ALDH4A1: variants seen among roughly 807,000 people sequenced by gnomAD.
The protein encoded by ALDH4A1 is aldehyde dehydrogenase 4 family member A1.
In ALDH4A1, 46 loss-of-function variants were observed where a neutral mutation model predicts 70.5. The ratio of observed to expected loss-of-function variants is 0.65; its 90% CI spans 0.51 to 0.83. The LOEUF is 0.83. Ranked by LOEUF, ALDH4A1 falls within the 40% of genes least tolerant of loss-of-function variation. The probability of loss-of-function intolerance (pLI) is 0.00; values close to 1 mark genes in which losing one functional copy is unlikely to be tolerated. For missense variants in ALDH4A1, 749 were observed against 766.5 expected (o/e 0.98, Z 0.27); for synonymous variants, 323 against 324.3 (o/e 1.00, Z 0.04).
At chr1:18,895,910 G>C (rs1935601569) in intron 1 of ALDH4A1, among the ~76,000 whole-genome samples, 2 of 152,172 alleles carry the variant, frequency 1.3e-5, no homozygotes, top group Non-Finnish European at 2.9e-5. Context: ...GCACAGTGGG[G>C]AGCTCAGTGA....
chr1:18,902,465 GC>G lies in ALDH4A1; in HGVS notation c.58del (p.Ala20ProfsTer11). On this transcript the variant is annotated frameshift_variant, in exon 1 of 15. Transcript: ENST00000375341. LOFTEE classifies it high-confidence loss of function. ...RALLSRPWTGAGLRWKHTSSL... is the reference protein window; with the variant it reads ...RALLSRPWTGXGLRWKHTSSL... Reference sequence around the variant, plus strand: ...CCCGGGCCCCGTGCTCACTCACCCGGCCCCGGTCCAGGGGCGGGACAGCAGG... The same window carrying G: ...CCCGGGCCCCGTGCTCACTCACCCGGCCCGGTCCAGGGGCGGGACAGCAGG... The G allele has an allele frequency of 7.1e-7, 1 of 1,401,148 alleles. No individual in the cohort carries two copies. The highest frequency in any genetic ancestry group is 1.5e-5 in the South Asian group (1 of 66,252). The allele number at this position is 1,401,148 out of a possible 1,614,324, so 86.8% of individuals were successfully genotyped here. A position where few individuals can be genotyped will look rare whatever the true frequency, so the allele number is the denominator to read the frequency against.
chr1:18,885,173 G>A (rs992601124), intron 5 of ALDH4A1: 55 of 450,278 alleles, frequency 1.2e-4, no homozygotes, highest in Middle Eastern at 1.3e-3. Flanking sequence ...GAGGCAGGGA[G>A]ACAGTGCAGG....
chr1:18,871,466 A>T lies in ALDH4A1; in HGVS notation c.*1379T>A, dbSNP rs950332647. 2 of 152,286 alleles carry T rather than the reference A, an allele frequency of 1.3e-5. No homozygotes were observed. Among genetic ancestry groups the T allele is most frequent in the Non-Finnish European group, 2.9e-5 (2 of 68,074 alleles). 9.4% of individuals were successfully genotyped at this position (152,286 alleles called of 1,614,324 possible). A position where few individuals can be genotyped will look rare whatever the true frequency, so the allele number is the denominator to read the frequency against. On this transcript the variant is annotated 3_prime_UTR_variant, in exon 15 of 15. Transcript: ENST00000375341. ...GCATTTTATTGGGTGGCATCTGAGC[A>T]AATCCCATTGCCACCTCACAGTGTA...
chr1:18,877,159 C>T (rs762594300), intron 11 of ALDH4A1, 49 bp downstream of exon 11: 2 of 1,587,688 alleles, frequency 1.3e-6, no homozygotes, highest in Admixed American at 3.4e-5. Context: ...CTCTTCCACC[C>T]ACTCCAGGGC....
intron 1 of ALDH4A1, among the ~76,000 whole-genome samples, chr1:18,891,373 C>A (rs1159329750): frequency 1.3e-5 from 2 of 152,198 alleles, no homozygotes; most frequent in Admixed American, 1.3e-4. Flanking sequence ...AGTTCAAGAT[C>A]AAGAGTAGGG....
intron 7 of ALDH4A1, 26 bp downstream of exon 7, chr1:18,883,098 C>T (rs1935048849): frequency 5.6e-6 from 9 of 1,612,876 alleles, no homozygotes; most frequent in Non-Finnish European, 7.6e-6. Flanking sequence ...CCAGCTGCCG[C>T]TGTCCCACCT....
chr1:18,887,385 G>A lies in ALDH4A1; in HGVS notation c.250-874C>T, dbSNP rs377333428. ...GAGGCCAAGGCGGGCGGATCACAAG[G>A]TCAGGAGATCGAGACCATCCTGGCT... is the stretch of plus-strand genomic sequence containing the variant. On this transcript the variant is annotated intron_variant, in intron 3 of 14. Transcript: ENST00000375341. 3.2e-4 allele frequency among the ~76,000 whole-genome samples: 49 copies of A among 152,370 alleles called. No individual in the cohort carries two copies. The South Asian group carries it at 4.6e-3, about 14-fold the overall frequency.
At chr1:18,885,441 G>GGCCC in intron 5 of ALDH4A1, 32 bp downstream of exon 5, 3 of 423,744 alleles carry the variant, frequency 7.1e-6, no homozygotes, top group Non-Finnish European at 1.2e-5. Flanking sequence ...ACCCCACCCC[G>GGCCC]CCCCACCCAC....
rs1557617888 is a variant in ALDH4A1 at position 18,883,215 on chromosome 1, CG to C, written c.604-18del. ...CACGAAGCCCTGGGGAAGGAGGCAG[CG>C]GTGAGATCAGGCCCATGGCATTGGG... is the stretch of plus-strand genomic sequence containing the variant. On this transcript the variant is annotated intron_variant, in intron 6 of 14. Transcript: ENST00000375341. 1.2e-6 allele frequency: 2 copies of C among 1,613,144 alleles called. No individual in the cohort carries two copies. The highest frequency in any genetic ancestry group is 2.2e-5 in the South Asian group (2 of 91,088).
intron 9 of ALDH4A1, among the ~76,000 whole-genome samples, chr1:18,877,906 A>G (rs1028959381): frequency 6.6e-6 from 1 of 152,172 alleles, no homozygotes; most frequent in South Asian, 2.1e-4. Flanking sequence ...ACTACCCAAC[A>G]CAACAGCAGA....
chr1:18,876,275 A>G, intron 12 of ALDH4A1, 40 bp downstream of exon 12: 1 of 1,609,882 alleles, frequency 6.2e-7, no homozygotes, highest in Non-Finnish European at 8.5e-7. Flanking sequence ...CTCCGGTGGG[A>G]TTGTCCTCCT....
chr1:18,900,490 C>G (rs1243526482), intron 1 of ALDH4A1, among the ~76,000 whole-genome samples: 7 of 152,338 alleles, frequency 4.6e-5, no homozygotes, highest in Admixed American at 1.3e-4. Flanking sequence ...TGTCTGGGAA[C>G]TTGTGTTTCC....
At position 18,877,412 on chromosome 1, in the gene ALDH4A1, T is replaced by A; in HGVS notation, c.1137+4A>T. The A allele has an allele frequency of 6.4e-7, 1 of 1,565,246 alleles. No individual in the cohort carries two copies. Among genetic ancestry groups the A allele is most frequent in the East Asian group, 2.4e-5 (1 of 42,292 alleles). ...GCCGCGGCGGGGGTGACGGTGCCAC[T>A]CACGTCGCCCACTTTGATCCGACTG... On this transcript the variant is annotated splice_donor_region_variant and intron_variant, in intron 10 of 14. Coordinates refer to ENST00000375341, the MANE Select transcript of ALDH4A1 (RefSeq NM_003748.4).
Position 18,900,002 on chromosome 1 carries a change from G to GT in ALDH4A1, c.62+2459dup, listed in dbSNP as rs541706336. The stretch of plus-strand genomic sequence containing the variant: ...GGGCAGATGAGCTTGTTTCTATGAG[G>GT]TTTTTTTTAAAAGCATATCTATTCA... On this transcript the variant is annotated intron_variant, in intron 1 of 14. Transcript: ENST00000375341. Among the ~76,000 whole-genome samples, 512 of 152,174 alleles carry GT rather than the reference G, an allele frequency of 3.4e-3. 1 individual carries two copies. Among genetic ancestry groups the GT allele is most frequent in the African/African-American group, 0.011 (467 of 41,506 alleles).
At chr1:18,882,033 C>A in intron 7 of ALDH4A1, 146 bp from the exon 8 acceptor site, 1 of 847,018 alleles carries the variant, frequency 1.2e-6, no homozygotes. Context: ...GACCCCACTC[C>A]TCCAAGGCGT....
intron 5 of ALDH4A1, 31 bp downstream of exon 5, chr1:18,885,441 GC>G (rs1935155934): frequency 4.7e-6 from 2 of 423,746 alleles, no homozygotes; most frequent in Admixed American, 7.4e-5. Flanking sequence ...ACCCCACCCC[GC>G]CCCACCCACC....
At position 18,897,103 on chromosome 1, in the gene ALDH4A1, G is replaced by A. The variant is rs769633559; in HGVS notation, c.62+5359C>T. 29 of 533,468 alleles carry A rather than the reference G, an allele frequency of 5.4e-5. No homozygotes were observed. The Middle Eastern group carries it at 9.5e-4, about 17-fold the overall frequency. The allele number at this position is 533,468 out of a possible 1,614,324, so 33.0% of individuals were successfully genotyped here. On this transcript the variant is annotated intron_variant, in intron 1 of 14. Transcript: ENST00000375341. ...TCCCTGATCCAAAAATCCAAAATCC[G>A]AAATGTTCCAAAATCTGAAACTTTT...
chr1:18,885,673 A>G, intron 4 of ALDH4A1, 45 bp from the exon 5 acceptor site: 2 of 1,612,752 alleles, frequency 1.2e-6, no homozygotes, highest in Non-Finnish European at 1.7e-6. Context: ...TGCAGCGGGA[A>G]AGGCCCTGGG....
At chr1:18,885,450 A>G in intron 5 of ALDH4A1, 23 bp downstream of exon 5, 1 of 490,432 alleles carries the variant, frequency 2.0e-6, no homozygotes, top group Non-Finnish European at 2.9e-6. Context: ...CGCCCCACCC[A>G]CCCGGGCCCA....
Sources: gnomAD v4.1 joint callset for allele counts (sites outside exome capture counted in the v4.1 genomes callset) on GRCh38, gnomAD v4.1.1 for gene constraint, MANE v1.5 for transcripts, NCBI Gene and HGNC (gene_info 2026-07-23, HGNC 2026-07-21) for gene names.